C13orf42: variants seen among roughly 807,000 people sequenced by gnomAD.
C13orf42 encodes uncharacterized protein C13orf42.
Position 51,111,013 on chromosome 13 carries a change from A to T in C13orf42, c.197T>A (p.Leu66Gln). 1 of 398,724 alleles carries T rather than the reference A, an allele frequency of 2.5e-6. No homozygotes were observed. The highest frequency in any genetic ancestry group is 3.6e-5 in the East Asian group (1 of 28,078). The allele number at this position is 398,724 out of a possible 1,614,324, so 24.7% of individuals were successfully genotyped here. A position where few individuals can be genotyped will look rare whatever the true frequency, so the allele number is the denominator to read the frequency against. ...YKSTSSMDTS[L>Q]YYLRQEEDRA... Reference sequence around the variant, plus strand: ...GTCCTCCTCCTGCCGCAGGTAGTACAGGCTGGTGTCCATGCTACTGGTGCT... The same window carrying T: ...GTCCTCCTCCTGCCGCAGGTAGTACTGGCTGGTGTCCATGCTACTGGTGCT... The change falls in exon 1 of 4, where the codon CTG becomes CAG. Residue 66 changes from leucine (L) to glutamine (Q), a missense_variant. Transcript: ENST00000563710.
chr13:51,111,865 T>C (rs544108347), upstream of C13orf42, among the ~76,000 whole-genome samples: 1 of 116,062 alleles, frequency 8.6e-6, no homozygotes, highest in African/African-American at 3.7e-5. Flanking sequence ...CTGAGCGTCC[T>C]GGAAGAGCCT....
At chr13:51,107,271 T>C (rs1953368203) in intron 1 of C13orf42, among the ~76,000 whole-genome samples, 1 of 152,190 alleles carries the variant, frequency 6.6e-6, no homozygotes, top group African/African-American at 2.4e-5. Context: ...CTTGATCCAG[T>C]AATGGCTTGT....
upstream of C13orf42, among the ~76,000 whole-genome samples, chr13:51,113,722 T>C (rs1953458091): frequency 6.6e-6 from 1 of 152,056 alleles, no homozygotes; most frequent in South Asian, 2.1e-4. Flanking sequence ...TGAGCAACCA[T>C]ACCTAGCCAC....
chr13:51,134,846 G>A (rs1953645048), intron 1 of C13orf42, among the ~76,000 whole-genome samples: 1 of 152,176 alleles, frequency 6.6e-6, no homozygotes, highest in Non-Finnish European at 1.5e-5. Context: ...CAAGTCTGAT[G>A]GCCTCAGAGA....
chr13:51,118,012 A>T (rs1953505779), intron 1 of C13orf42, among the ~76,000 whole-genome samples: 1 of 152,162 alleles, frequency 6.6e-6, no homozygotes, highest in Non-Finnish European at 1.5e-5. Flanking sequence ...TTTCACTTGT[A>T]ATCACCTCCC....
intron 1 of C13orf42, among the ~76,000 whole-genome samples, chr13:51,135,981 G>C (rs1467970506): frequency 6.6e-6 from 1 of 152,186 alleles, no homozygotes; most frequent in Admixed American, 6.5e-5. Context: ...AGCTGATGAG[G>C]GTAAACCCGA....
At chr13:51,153,174 C>A (rs535778758) in intron 1 of C13orf42, among the ~76,000 whole-genome samples, 1 of 152,280 alleles carries the variant, frequency 6.6e-6, no homozygotes, top group African/African-American at 2.4e-5. Flanking sequence ...ATTGCACCTG[C>A]CGCCTCCCTA....
intron 1 of C13orf42, among the ~76,000 whole-genome samples, chr13:51,152,181 A>G (rs1449786522): frequency 6.6e-6 from 1 of 152,200 alleles, no homozygotes; most frequent in African/African-American, 2.4e-5. Flanking sequence ...CCCTCAGAAC[A>G]TTCCTACTGC....
chr13:51,159,871 T>C (rs972230025), intron 1 of C13orf42, among the ~76,000 whole-genome samples: 3 of 152,220 alleles, frequency 2.0e-5, no homozygotes, highest in South Asian at 2.1e-4. Context: ...AGAGGTTTAA[T>C]TGGACTTACA....
At chr13:51,161,934 C>T in intron 1 of C13orf42, 2 of 493,712 alleles carry the variant, frequency 4.1e-6, no homozygotes, top group Non-Finnish European at 8.0e-6. Context: ...GGCTGACCAT[C>T]AGTGCTTCCC....
At chr13:51,152,655 A>C (rs754170358) in intron 1 of C13orf42, among the ~76,000 whole-genome samples, 6 of 152,180 alleles carry the variant, frequency 3.9e-5, no homozygotes, top group Non-Finnish European at 5.9e-5. Flanking sequence ...GCATTCTGAT[A>C]GTGCAAAGTT....
At chr13:51,164,992 T>C (rs1228220232) in intron 1 of C13orf42, among the ~76,000 whole-genome samples, 1 of 152,188 alleles carries the variant, frequency 6.6e-6, no homozygotes, top group African/African-American at 2.4e-5. Context: ...CTTTAGCATA[T>C]GATGGCACTG....
intron 1 of C13orf42, among the ~76,000 whole-genome samples, chr13:51,146,457 G>A (rs756982146): frequency 3.3e-5 from 5 of 152,194 alleles, no homozygotes; most frequent in Non-Finnish European, 7.3e-5. Context: ...AGTTTATTTT[G>A]CCAAAGTTAA....
At chr13:51,152,919 C>T (rs1042488149) in intron 1 of C13orf42, among the ~76,000 whole-genome samples, 3 of 152,088 alleles carry the variant, frequency 2.0e-5, no homozygotes, top group Non-Finnish European at 2.9e-5. Flanking sequence ...TGCAGAGCTG[C>T]GTCATGTTCG....
At chr13:51,157,162 G>A (rs548784677) in intron 1 of C13orf42, among the ~76,000 whole-genome samples, 2 of 152,274 alleles carry the variant, frequency 1.3e-5, no homozygotes, top group African/African-American at 4.8e-5. Context: ...GGCCAGGAGC[G>A]GTGGCTGCCG....
rs1953095464 is a variant in C13orf42, at chr13:51,084,160, C to T, written c.969G>A (p.Thr323=). ...WLLRERLWER[T]VP Reference sequence around the variant, plus strand: ...AGGAATCCAGATGGAGTCAGGGCACCGTCCGCTCCCAAAGTCTTTCTCGAA... The same window carrying T: ...AGGAATCCAGATGGAGTCAGGGCACTGTCCGCTCCCAAAGTCTTTCTCGAA... The change falls in exon 4 of 4, where the codon ACG becomes ACA. Residue 323 remains threonine (T), a synonymous_variant. Coordinates refer to ENST00000563710, the MANE Select transcript of C13orf42 (RefSeq NM_001351589.3). 6 of 398,584 alleles carry T rather than the reference C, an allele frequency of 1.5e-5. No homozygotes were observed. The highest frequency in any genetic ancestry group is 2.2e-5 in the Non-Finnish European group (5 of 226,124). The allele number at this position is 398,584 out of a possible 1,614,324, so 24.7% of individuals were successfully genotyped here.
intron 1 of C13orf42, among the ~76,000 whole-genome samples, chr13:51,138,790 G>A (rs1338915655): frequency 1.3e-5 from 2 of 152,160 alleles, no homozygotes; most frequent in African/African-American, 4.8e-5. Context: ...ACACTCCCAT[G>A]TTCCCTGCAG....
chr13:51,146,551 T>C (rs1953738006), intron 1 of C13orf42, among the ~76,000 whole-genome samples: 1 of 152,182 alleles, frequency 6.6e-6, no homozygotes. Context: ...TTTATACATT[T>C]TAGGGAGACA....
intron 1 of C13orf42, among the ~76,000 whole-genome samples, chr13:51,103,474 G>A (rs552910368): frequency 3.3e-5 from 5 of 152,230 alleles, no homozygotes; most frequent in South Asian, 2.1e-4. Flanking sequence ...AGGCCGAGGC[G>A]GGTGGATCAT....
Sources: gnomAD v4.1 joint callset for allele counts (sites outside exome capture counted in the v4.1 genomes callset) on GRCh38, gnomAD v4.1.1 for gene constraint, MANE v1.5 for transcripts, NCBI Gene and HGNC (gene_info 2026-07-23, HGNC 2026-07-21) for gene names.